Variants in MSRA observed in about 807,000 individuals in gnomAD.
MSRA encodes methionine sulfoxide reductase A, also known as mitochondrial peptide methionine sulfoxide reductase.
MSRA carries 54 observed loss-of-function variants against 31.3 expected under a neutral mutation model. That is an observed-to-expected ratio of 1.73 (90% CI 1.39 to 2.17). MSRA has a LOEUF of 2.17. Among genes scored for constraint, MSRA ranks in the 30% most tolerant of loss-of-function variants. The pLI is 0.00. For missense variants in MSRA, 507 were observed against 300.9 expected, an observed-to-expected ratio of 1.69 and a Z score of -5.07; for synonymous variants, 169 against 116.5, an observed-to-expected ratio of 1.45 and a Z score of -2.90.
At chr8:10,307,041 C>T (rs1054790879) in intron 4 of MSRA, among the ~76,000 whole-genome samples, 3 of 152,162 alleles carry the variant, frequency 2.0e-5, no homozygotes, top group South Asian at 2.1e-4. Flanking sequence ...CCAAAAGACT[C>T]ATAATCTTGC....
At chr8:10,230,490 T>C (rs1199578241) in intron 2 of MSRA, among the ~76,000 whole-genome samples, 1 of 152,176 alleles carries the variant, frequency 6.6e-6, no homozygotes, top group Non-Finnish European at 1.5e-5. Context: ...TTTTGTGGGT[T>C]ATAAAAGTAA....
chr8:10,081,438 C>G (rs1798287883), intron 1 of MSRA, among the ~76,000 whole-genome samples: 1 of 152,104 alleles, frequency 6.6e-6, no homozygotes, highest in East Asian at 1.9e-4. Context: ...TTACTTCCGC[C>G]TCAAGGTTCG....
chr8:10,423,864 CAGAG>C (rs1411418090), intron 5 of MSRA, among the ~76,000 whole-genome samples: 1 of 152,198 alleles, frequency 6.6e-6, no homozygotes, highest in East Asian at 1.9e-4. Flanking sequence ...AATCCAGAAG[CAGAG>C]AGAATCTCCA....
chr8:10,111,817 C>G (rs11783851), intron 1 of MSRA, among the ~76,000 whole-genome samples: 2 of 151,984 alleles, frequency 1.3e-5, no homozygotes, highest in Non-Finnish European at 2.9e-5. Context: ...GAGATGGTCA[C>G]ACACGCTGTC....
chr8:10,358,565 C>CTTTTTTTTTTTT (rs59106668), intron 5 of MSRA, among the ~76,000 whole-genome samples: 2 of 64,004 alleles, frequency 3.1e-5, no homozygotes, highest in African/African-American at 7.1e-5. Context: ...GCATTAGATT[C>CTTTTTTTTTTTT]TTTTTTTTTT....
intron 1 of MSRA, among the ~76,000 whole-genome samples, chr8:10,154,199 G>A (rs1803952548): frequency 6.6e-6 from 1 of 152,208 alleles, no homozygotes; most frequent in South Asian, 2.1e-4. Flanking sequence ...CACTGAATCT[G>A]TGTGGTGGAC....
chr8:10,379,964 G>C (rs1012372612), intron 5 of MSRA, among the ~76,000 whole-genome samples: 2 of 152,196 alleles, frequency 1.3e-5, no homozygotes, highest in East Asian at 1.9e-4. Context: ...TGGGCCAGAC[G>C]ATACGAGAGG....
chr8:10,320,160 C>G (rs1005091647), intron 5 of MSRA, 171 bp downstream of exon 5: 1 of 483,594 alleles, frequency 2.1e-6, no homozygotes, highest in African/African-American at 2.0e-5. Flanking sequence ...AATACGTGTG[C>G]TAAATGAGGT....
At chr8:10,201,936 G>A (rs1585156759) in intron 1 of MSRA, among the ~76,000 whole-genome samples, 1 of 152,338 alleles carries the variant, frequency 6.6e-6, no homozygotes, top group East Asian at 1.9e-4. Flanking sequence ...AAGGGGCTGG[G>A]GCATGTGCCC....
chr8:10,269,043 G>A (rs1798890967), intron 3 of MSRA, among the ~76,000 whole-genome samples: 1 of 152,212 alleles, frequency 6.6e-6, no homozygotes, highest in South Asian at 2.1e-4. Context: ...TTGCACAGTC[G>A]TTTGTCTCCA....
chr8:10,054,662 A>G lies in MSRA; in HGVS notation c.142+4A>G. 1 of 1,524,410 alleles carries G rather than the reference A, an allele frequency of 6.6e-7. No homozygotes were observed. The highest frequency in any genetic ancestry group is 2.7e-5 in the East Asian group (1 of 36,722). 94.4% of individuals were successfully genotyped at this position (1,524,410 alleles called of 1,614,324 possible). ...AAGGAACAGACCCCTGTAGCGGGTAAGCACTGGCCACACGGAAGGCGCGGG... is the reference window on the plus strand; with the variant it reads ...AAGGAACAGACCCCTGTAGCGGGTAGGCACTGGCCACACGGAAGGCGCGGG... On this transcript the variant is annotated splice_donor_region_variant and intron_variant, in intron 1 of 5. Transcript: ENST00000317173.
intron 2 of MSRA, among the ~76,000 whole-genome samples, chr8:10,216,864 C>T (rs566420489): frequency 6.6e-6 from 1 of 152,298 alleles, no homozygotes; most frequent in South Asian, 2.1e-4. Flanking sequence ...TGCGATGAAC[C>T]TGAGTGTACA....
At chr8:10,242,496 A>G (rs1014574712) in intron 2 of MSRA, among the ~76,000 whole-genome samples, 4 of 152,172 alleles carry the variant, frequency 2.6e-5, no homozygotes, top group Non-Finnish European at 4.4e-5. Flanking sequence ...TTCTTGACCC[A>G]GGTGGTGGTT....
chr8:10,275,002 C>G (rs1462019962), intron 3 of MSRA, among the ~76,000 whole-genome samples: 1 of 152,128 alleles, frequency 6.6e-6, no homozygotes, highest in Non-Finnish European at 1.5e-5. Flanking sequence ...GGTTGGCTTC[C>G]AAGGACTATA....
At chr8:10,095,358 T>A (rs538876600) in intron 1 of MSRA, among the ~76,000 whole-genome samples, 2 of 152,346 alleles carry the variant, frequency 1.3e-5, no homozygotes, top group South Asian at 4.1e-4. Context: ...TAGGATACCA[T>A]GAAATCTGTA....
intron 1 of MSRA, among the ~76,000 whole-genome samples, chr8:10,136,298 A>G (rs1348029896): frequency 2.6e-5 from 4 of 152,284 alleles, no homozygotes; most frequent in South Asian, 2.1e-4. Flanking sequence ...AGCTTCTGCT[A>G]TCGGACTTCT....
chr8:10,419,013 G>A (rs1380006955), intron 5 of MSRA, among the ~76,000 whole-genome samples: 1 of 151,918 alleles, frequency 6.6e-6, no homozygotes, highest in South Asian at 2.1e-4. Context: ...AAGGCGGGAG[G>A]TGAATACATA....
At chr8:10,245,257 G>A (rs746715502) in intron 3 of MSRA, 34 bp downstream of exon 3, 1 of 1,601,162 alleles carries the variant, frequency 6.2e-7, no homozygotes, top group Non-Finnish European at 8.5e-7. Flanking sequence ...ATTACTAGGA[G>A]AAACAAGGGA....
chr8:10,135,387 C>G (rs1363769736), intron 1 of MSRA, among the ~76,000 whole-genome samples: 1 of 152,180 alleles, frequency 6.6e-6, no homozygotes, highest in Non-Finnish European at 1.5e-5. Context: ...TCCATTCTAC[C>G]TAAAATGCTC....
Sources: gnomAD v4.1 joint callset for allele counts (sites outside exome capture counted in the v4.1 genomes callset) on GRCh38, gnomAD v4.1.1 for gene constraint, MANE v1.5 for transcripts, NCBI Gene and HGNC (gene_info 2026-07-23, HGNC 2026-07-21) for gene names.